FAM168A: variants seen among roughly 807,000 people sequenced by gnomAD.
The protein encoded by FAM168A is family with sequence similarity 168 member A, also known as protein FAM168A.
Under a neutral mutation model 28.5 loss-of-function variants are expected in FAM168A, and 3 were observed. That is an observed-to-expected ratio of 0.11 (90% CI 0.05 to 0.27). The LOEUF is 0.27. Ranked by LOEUF, FAM168A falls within the 10% of genes least tolerant of loss-of-function variation. The pLI, the probability that FAM168A is intolerant of heterozygous loss-of-function variation, is 1.00. For missense variants in FAM168A, 222 were observed against 311.5 expected, an observed-to-expected ratio of 0.71 and a Z score of 2.16; for synonymous variants, 122 against 124.2, an observed-to-expected ratio of 0.98 and a Z score of 0.12.
intron 2 of FAM168A, among the ~76,000 whole-genome samples, chr11:73,440,388 G>A (rs1175850421): frequency 6.6e-6 from 1 of 152,196 alleles, no homozygotes; most frequent in Non-Finnish European, 1.5e-5. Flanking sequence ...GCTCACTCCT[G>A]AAATCCCAAC....
At chr11:73,520,932 C>T (rs1447008071) in intron 1 of FAM168A, among the ~76,000 whole-genome samples, 2 of 151,682 alleles carry the variant, frequency 1.3e-5, no homozygotes, top group African/African-American at 2.4e-5. Flanking sequence ...GTACTGGTAA[C>T]GGGTTCCAGG....
chr11:73,520,389 G>A (rs1020150336), intron 1 of FAM168A, among the ~76,000 whole-genome samples: 2 of 152,012 alleles, frequency 1.3e-5, no homozygotes, highest in Admixed American at 6.6e-5. Flanking sequence ...TATAATTTCA[G>A]ATATAAAACA....
intron 2 of FAM168A, among the ~76,000 whole-genome samples, chr11:73,458,039 C>A (rs1867573310): frequency 6.6e-6 from 1 of 151,958 alleles, no homozygotes; most frequent in Admixed American, 6.6e-5. Flanking sequence ...ATAATAACAG[C>A]AACAATAATA....
intron 1 of FAM168A, among the ~76,000 whole-genome samples, chr11:73,471,941 C>A (rs1481582834): frequency 1.3e-5 from 2 of 152,106 alleles, no homozygotes; most frequent in African/African-American, 4.8e-5. Flanking sequence ...GGCAGCATAG[C>A]AGGAGGTGAG....
chr11:73,491,569 G>C (rs551911829), intron 1 of FAM168A, among the ~76,000 whole-genome samples: 3 of 152,296 alleles, frequency 2.0e-5, no homozygotes, highest in Non-Finnish European at 2.9e-5. Context: ...CATATTCAAG[G>C]AGGATGCATA....
chr11:73,451,673 C>G (rs1802871851), intron 2 of FAM168A, among the ~76,000 whole-genome samples: 1 of 152,228 alleles, frequency 6.6e-6, no homozygotes, highest in Non-Finnish European at 1.5e-5. Flanking sequence ...CTACATTATT[C>G]AGTGCAGTAA....
At chr11:73,529,064 G>A (rs555940416) in intron 1 of FAM168A, among the ~76,000 whole-genome samples, 1 of 152,258 alleles carries the variant, frequency 6.6e-6, no homozygotes, top group Non-Finnish European at 1.5e-5. Context: ...TGAAGCTCAA[G>A]CTCTAACTGG....
At chr11:73,529,425 T>C (rs969848326) in intron 1 of FAM168A, among the ~76,000 whole-genome samples, 1 of 152,168 alleles carries the variant, frequency 6.6e-6, no homozygotes, top group Admixed American at 6.6e-5. Context: ...TAAACTATTG[T>C]AAATGACAGA....
intron 3 of FAM168A, among the ~76,000 whole-genome samples, chr11:73,421,073 G>T (rs192012009): frequency 1.4e-5 from 2 of 141,196 alleles, no homozygotes; most frequent in East Asian, 2.1e-4. Flanking sequence ...TAAAGTCTTG[G>T]GGGGGGGGTC....
At chr11:73,423,126 T>C (rs568337023) in intron 3 of FAM168A, among the ~76,000 whole-genome samples, 428 of 152,218 alleles carry the variant, frequency 2.8e-3, no homozygotes, top group Non-Finnish European at 5.2e-3. Context: ...TTCATAGTAC[T>C]GATGTGAGGG....
chr11:73,587,818 C>G (rs527934048), intron 1 of FAM168A, among the ~76,000 whole-genome samples: 1 of 152,078 alleles, frequency 6.6e-6, no homozygotes, highest in African/African-American at 2.4e-5. Context: ...GGCGCAATCT[C>G]GGATCACTGC....
chr11:73,592,168 A>G (rs1290839984), intron 1 of FAM168A, among the ~76,000 whole-genome samples: 1 of 152,232 alleles, frequency 6.6e-6, no homozygotes, highest in Non-Finnish European at 1.5e-5. Context: ...CAAAATGTCT[A>G]TATCTAAGAA....
chr11:73,519,242 C>T (rs1943345822), intron 1 of FAM168A, among the ~76,000 whole-genome samples: 1 of 152,098 alleles, frequency 6.6e-6, no homozygotes, highest in Non-Finnish European at 1.5e-5. Context: ...TAGAATGCAG[C>T]TTTTGCCTGG....
chr11:73,409,098 AC>A (rs1054919360), intron 6 of FAM168A, among the ~76,000 whole-genome samples: 1 of 152,086 alleles, frequency 6.6e-6, no homozygotes, highest in African/African-American at 2.4e-5. Context: ...CAACAGAGGT[AC>A]CACAAGGTAT....
chr11:73,465,042 T>G (rs1404858297), intron 2 of FAM168A, among the ~76,000 whole-genome samples: 3 of 151,854 alleles, frequency 2.0e-5, no homozygotes, highest in African/African-American at 4.8e-5. Flanking sequence ...CAACCATTAA[T>G]TGAGTGTCCA....
At chr11:73,577,475 G>A (rs1944190251) in intron 1 of FAM168A, among the ~76,000 whole-genome samples, 2 of 152,174 alleles carry the variant, frequency 1.3e-5, no homozygotes, top group Admixed American at 1.3e-4. Context: ...TTAAAAACCT[G>A]TAAGATATCA....
At position 73,406,186 on chromosome 11, in the gene FAM168A, C is replaced by T. The variant is rs1481641475; in HGVS notation, c.*577G>A. The T allele has an allele frequency of 6.9e-6, 1 of 144,952 alleles. No homozygotes were observed. The highest frequency in any genetic ancestry group is 1.5e-5 in the Non-Finnish European group (1 of 66,542). The allele number at this position is 144,952 out of a possible 1,614,324, so 9.0% of individuals were successfully genotyped here. On this transcript the variant is annotated 3_prime_UTR_variant, in exon 8 of 8. Transcript: ENST00000356467. Reference sequence around the variant, plus strand: ...GCCTGGGGTATTAAGCTGCTAATAACACGCCTACATACTCAGGTGGTTTTG... The same window carrying T: ...GCCTGGGGTATTAAGCTGCTAATAATACGCCTACATACTCAGGTGGTTTTG...
At position 73,400,819 on chromosome 11, in the gene FAM168A, T is replaced by A. The variant is rs1590744780; in HGVS notation, c.*5944A>T. On this transcript the variant is annotated 3_prime_UTR_variant, in exon 8 of 8. Transcript: ENST00000356467. ...TTTTTTGGGGGGGAATTTTTTTTTT[T>A]AATAGTTATTGAGTGTTCTACAGCT... The A allele has an allele frequency of 6.6e-6, 1 of 151,460 alleles. No homozygotes were observed. Among genetic ancestry groups the A allele is most frequent in the Non-Finnish European group, 1.5e-5 (1 of 67,740 alleles). The allele number at this position is 151,460 out of a possible 1,614,324, so 9.4% of individuals were successfully genotyped here.
At chr11:73,432,033 C>A (rs1292786239) in intron 2 of FAM168A, among the ~76,000 whole-genome samples, 1 of 152,140 alleles carries the variant, frequency 6.6e-6, no homozygotes, top group Non-Finnish European at 1.5e-5. Context: ...CACCATTTGT[C>A]CTTTTGTGTC....
Sources: gnomAD v4.1 joint callset for allele counts (sites outside exome capture counted in the v4.1 genomes callset) on GRCh38, gnomAD v4.1.1 for gene constraint, MANE v1.5 for transcripts, NCBI Gene and HGNC (gene_info 2026-07-23, HGNC 2026-07-21) for gene names.